Variants in EMP1 observed in about 807,000 individuals in gnomAD.
The protein encoded by EMP1 is epithelial membrane protein 1, also known as tumor-associated membrane protein.
EMP1 carries 5 observed loss-of-function variants against 15.7 expected under a neutral mutation model. The observed-to-expected ratio is 0.32, with a 90% CI of 0.17 to 0.67. The LOEUF is 0.67. EMP1 is among the 30% of genes least tolerant of loss of function. The pLI, the probability that EMP1 is intolerant of heterozygous loss-of-function variation, is 0.74. For synonymous variants in EMP1, 78 were observed against 76.7 expected (o/e 1.02, Z -0.09); for missense variants, 166 against 194.2 (o/e 0.85, Z 0.86).
At chr12:13,207,700 A>G (rs545662514) in intron 1 of EMP1, among the ~76,000 whole-genome samples, 12 of 152,288 alleles carry the variant, frequency 7.9e-5, no homozygotes, top group African/African-American at 2.4e-4. Context: ...CCAGCCCCTA[A>G]CTGCCCCTGT....
In EMP1 at chr12:13,218,447, G is replaced by C. The variant is rs148099583; in HGVS notation, c.*3756G>C. 9 of 152,328 alleles carry C rather than the reference G, an allele frequency of 5.9e-5. No homozygotes were observed. The highest frequency in any genetic ancestry group is 2.1e-4 in the South Asian group (1 of 4,834). The allele number at this position is 152,328 out of a possible 1,614,324, so 9.4% of individuals were successfully genotyped here. ...TATTTAAAGAAGAGCTAGATTTTGT[G>C]GGGGGAGAGAAGGGAATAGGATAGG... On this transcript the variant is annotated 3_prime_UTR_variant, in exon 5 of 5. Coordinates refer to ENST00000256951, the MANE Select transcript of EMP1 (RefSeq NM_001423.3).
intron 1 of EMP1, among the ~76,000 whole-genome samples, chr12:13,203,197 C>T (rs923973370): frequency 1.3e-5 from 2 of 152,172 alleles, no homozygotes; most frequent in Non-Finnish European, 1.5e-5. Context: ...CCGCTGGGGC[C>T]GGGCCACACC....
chr12:13,203,051 A>T (rs1464736480), intron 1 of EMP1, among the ~76,000 whole-genome samples: 1 of 152,164 alleles, frequency 6.6e-6, no homozygotes, highest in African/African-American at 2.4e-5. Context: ...ATTGAAATGA[A>T]GCCCTGAGCC....
chr12:13,207,722 T>C (rs1285024842), intron 1 of EMP1, among the ~76,000 whole-genome samples: 2 of 152,142 alleles, frequency 1.3e-5, no homozygotes, highest in Non-Finnish European at 2.9e-5. Context: ...CCATGTATGT[T>C]AGGTAGATGA....
At chr12:13,213,903 G>C in intron 4 of EMP1, 82 bp downstream of exon 4, 1 of 1,577,914 alleles carries the variant, frequency 6.3e-7, no homozygotes, top group Non-Finnish European at 8.6e-7. Context: ...GAACAGATTA[G>C]CACATGGTTC....
rs957518910 is a variant in EMP1 at position 13,219,164 on chromosome 12, T to G, written c.*4473T>G. The stretch of plus-strand genomic sequence containing the variant: ...AATCTCTCCAACCTGTGCTTTATGC[T>G]GATGTCAGGATGGGCGTTGATGGAT... On this transcript the variant is annotated 3_prime_UTR_variant, in exon 5 of 5. Coordinates refer to ENST00000256951, the MANE Select transcript of EMP1 (RefSeq NM_001423.3). 1 of 152,262 alleles carries G rather than the reference T, an allele frequency of 6.6e-6. No homozygotes were observed. The highest frequency in any genetic ancestry group is 1.5e-5 in the Non-Finnish European group (1 of 68,066). 9.4% of individuals were successfully genotyped at this position (152,262 alleles called of 1,614,324 possible).
intron 1 of EMP1, among the ~76,000 whole-genome samples, chr12:13,206,265 T>C (rs1864109909): frequency 6.6e-6 from 1 of 152,200 alleles, no homozygotes; most frequent in African/African-American, 2.4e-5. Context: ...TCCTGGCCTT[T>C]CTTAAGCTGC....
chr12:13,213,767 A>C lies in EMP1; in HGVS notation c.262A>C (p.Thr88Pro). The C allele has an allele frequency of 6.2e-7, 1 of 1,614,066 alleles. No individual in the cohort carries two copies. ...ALLVFVFQLF[T>P]MEKGNRFFLS... ...CCTGGTCTTCGTGTTCCAGCTCTTCACCATGGAGAAGGGAAACCGGTTCTT... is the reference window on the plus strand; with the variant it reads ...CCTGGTCTTCGTGTTCCAGCTCTTCCCCATGGAGAAGGGAAACCGGTTCTT... Residue 88 changes from threonine to proline, a missense_variant, in exon 4 of 5, where the codon ACC becomes CCC. Physicochemically the swap from Thr to Pro is conservative, Grantham distance 38 (BLOSUM62 -1). Transcript: ENST00000256951.
chr12:13,217,992 G>A lies in EMP1; in HGVS notation c.*3301G>A, dbSNP rs1219509401. On this transcript the variant is annotated 3_prime_UTR_variant, in exon 5 of 5. Coordinates refer to ENST00000256951, the MANE Select transcript of EMP1 (RefSeq NM_001423.3). ...TTAAAAAATATTTGTTGAATTAAAT[G>A]TCTTAGGTAGAGACAAATTGAATTA... The A allele has an allele frequency of 1.3e-5, 2 of 152,152 alleles. No homozygotes were observed. The highest frequency in any genetic ancestry group is 4.8e-5 in the African/African-American group (2 of 41,434). The allele number at this position is 152,152 out of a possible 1,614,324, so 9.4% of individuals were successfully genotyped here. A position where few individuals can be genotyped will look rare whatever the true frequency, so the allele number is the denominator to read the frequency against.
Position 13,214,625 on chromosome 12 carries a change from G to A in EMP1, c.408G>A (p.Leu136=). 1 of 1,613,890 alleles carries A rather than the reference G, an allele frequency of 6.2e-7. No individual in the cohort carries two copies. The highest frequency in any genetic ancestry group is 8.5e-7 in the Non-Finnish European group (1 of 1,179,978). ...ATCACCACGGCTATTCCTACATCCT[G>A]GGCTGGATCTGCTTCTGCTTCAGCT... ...TQYHHGYSYI[L]GWICFCFSFI... The change falls in exon 5 of 5, where the codon CTG becomes CTA. Residue 136 remains leucine (L), a synonymous_variant. Coordinates refer to ENST00000256951, the MANE Select transcript of EMP1 (RefSeq NM_001423.3).
At position 13,217,924 on chromosome 12, in the gene EMP1, A is replaced by C. The variant is rs559978893; in HGVS notation, c.*3233A>C. ...TGGGCCAGCAGAGAGCTGGTGCTAC[A>C]GTGCGGGTCTGAAAGTTGCCAGAGT... On this transcript the variant is annotated 3_prime_UTR_variant, in exon 5 of 5. Coordinates refer to ENST00000256951, the MANE Select transcript of EMP1 (RefSeq NM_001423.3). The C allele has an allele frequency of 3.9e-5, 6 of 152,366 alleles. No homozygotes were observed. In the South Asian group the frequency reaches 1.0e-3, roughly 26 times the overall value. 9.4% of individuals were successfully genotyped at this position (152,366 alleles called of 1,614,324 possible). A position where few individuals can be genotyped will look rare whatever the true frequency, so the allele number is the denominator to read the frequency against.
chr12:13,212,777 A>G (rs1032357655), intron 2 of EMP1, among the ~76,000 whole-genome samples: 3 of 152,168 alleles, frequency 2.0e-5, no homozygotes, highest in Admixed American at 1.3e-4. Flanking sequence ...AGGACACTGC[A>G]CTTGTTTTCT....
At chr12:13,213,998 T>C in intron 4 of EMP1, 177 bp downstream of exon 4, 3 of 921,014 alleles carry the variant, frequency 3.3e-6, no homozygotes, top group Non-Finnish European at 5.1e-6. Flanking sequence ...TTAAGAACCC[T>C]CATCTGCTTC....
intron 1 of EMP1, among the ~76,000 whole-genome samples, chr12:13,203,115 C>A (rs548617072): frequency 6.6e-6 from 1 of 152,206 alleles, no homozygotes; most frequent in Non-Finnish European, 1.5e-5. Context: ...CCCAGCTTGC[C>A]GCCTTCCAGG....
At chr12:13,201,570 G>A (rs4763943) in intron 1 of EMP1, among the ~76,000 whole-genome samples, 36,664 of 152,064 alleles carry the variant, frequency 0.24, 4,943 homozygotes, top group East Asian at 0.54. Flanking sequence ...AGGGCAACGT[G>A]TGGCATTGAA....
chr12:13,202,620 G>A (rs1864076071), intron 1 of EMP1, among the ~76,000 whole-genome samples: 1 of 152,180 alleles, frequency 6.6e-6, no homozygotes, highest in Admixed American at 6.5e-5. Flanking sequence ...TGTGCTGAGG[G>A]TTAGAAGGTT....
chr12:13,214,024 T>C (rs1213694227), intron 4 of EMP1: 1 of 791,722 alleles, frequency 1.3e-6, no homozygotes, highest in Non-Finnish European at 2.1e-6. Flanking sequence ...TCAAAACCAG[T>C]GCTCCTGGGT....
At chr12:13,201,735 G>A (rs140500689) in intron 1 of EMP1, among the ~76,000 whole-genome samples, 1 of 152,154 alleles carries the variant, frequency 6.6e-6, no homozygotes, top group Non-Finnish European at 1.5e-5. Flanking sequence ...AAAAGAAAGA[G>A]GTTTGAGTAA....
chr12:13,203,426 C>T (rs1221089675), intron 1 of EMP1, among the ~76,000 whole-genome samples: 2 of 152,204 alleles, frequency 1.3e-5, no homozygotes, highest in African/African-American at 4.8e-5. Context: ...GCAGATGTTG[C>T]CCAGATCCAC....
Sources: allele counts gnomAD v4.1 joint callset (sites outside exome capture counted in the v4.1 genomes callset), GRCh38; gene constraint gnomAD v4.1.1; transcripts MANE v1.5; gene names NCBI Gene and HGNC (gene_info 2026-07-23, HGNC 2026-07-21).